The following NKAIN2 variants were observed in gnomAD, a reference collection of about 807,000 sequenced individuals.
The protein encoded by NKAIN2 is sodium/potassium-transporting ATPase subunit beta-1-interacting protein 2.
In NKAIN2, 14 loss-of-function variants were observed where a neutral mutation model predicts 32.6. The ratio of observed to expected loss-of-function variants is 0.43; its 90% CI spans 0.28 to 0.67. NKAIN2 has a LOEUF of 0.67. Ranked by LOEUF, NKAIN2 falls within the 30% of genes least tolerant of loss-of-function variation. The probability of loss-of-function intolerance (pLI) is 0.17; values close to 1 mark genes in which losing one functional copy is unlikely to be tolerated. For missense variants in NKAIN2, 198 were observed against 258.3 expected (o/e 0.77, Z 1.60); for synonymous variants, 80 against 87.2 (o/e 0.92, Z 0.46).
At chr6:124,296,825 A>C (rs1046184415) in intron 2 of NKAIN2, among the ~76,000 whole-genome samples, 1 of 152,218 alleles carries the variant, frequency 6.6e-6, no homozygotes, top group African/African-American at 2.4e-5. Context: ...TAAGACCCAG[A>C]ACCTTTACTG....
At chr6:124,101,201 A>T (rs1784872931) in intron 1 of NKAIN2, among the ~76,000 whole-genome samples, 1 of 152,188 alleles carries the variant, frequency 6.6e-6, no homozygotes, top group Non-Finnish European at 1.5e-5. Flanking sequence ...TAAGATGGAC[A>T]TTAAAGTATG....
intron 1 of NKAIN2, among the ~76,000 whole-genome samples, chr6:123,885,504 A>C (rs111808706): frequency 2.8e-4 from 42 of 152,114 alleles, no homozygotes; most frequent in Non-Finnish European, 5.9e-4. Context: ...AAAAATTTTT[A>C]TATTGGAAAT....
At chr6:124,105,877 A>T (rs1785095335) in intron 1 of NKAIN2, among the ~76,000 whole-genome samples, 1 of 152,188 alleles carries the variant, frequency 6.6e-6, no homozygotes, top group Admixed American at 6.5e-5. Flanking sequence ...GCAAACATTT[A>T]TACCCTTTAG....
rs137905774 is a variant in NKAIN2, at chr6:123,859,783, C to T, written c.54+55529C>T. Among the ~76,000 whole-genome samples, 380 of 152,238 alleles carry T rather than the reference C, an allele frequency of 2.5e-3. 4 individuals carry two copies. Among genetic ancestry groups the T allele is most frequent in the Non-Finnish European group, 4.6e-4 (31 of 68,020 alleles). ...TTGGCTCATTGCAACCTCCACCTCC[C>T]GGGTTCAAGTGATTCCCCTACTTCA... On this transcript the variant is annotated intron_variant, in intron 1 of 6. Transcript: ENST00000368417.
At chr6:124,154,505 T>C (rs1310957618) in intron 1 of NKAIN2, among the ~76,000 whole-genome samples, 1 of 151,992 alleles carries the variant, frequency 6.6e-6, no homozygotes, top group Non-Finnish European at 1.5e-5. Context: ...ACGAAGACTT[T>C]TCTATTTTCC....
At chr6:124,644,561 C>T (rs1022729271) in intron 3 of NKAIN2, among the ~76,000 whole-genome samples, 8 of 152,014 alleles carry the variant, frequency 5.3e-5, no homozygotes, top group Non-Finnish European at 7.4e-5. Context: ...TGTGGCACCA[C>T]GCCCAGCTAA....
At position 123,805,731 on chromosome 6, in the gene NKAIN2, C is replaced by G. The variant is rs2114849716; in HGVS notation, c.54+1477C>G. Among the ~76,000 whole-genome samples, 3 of 152,190 alleles carry G rather than the reference C, an allele frequency of 2.0e-5. No individual in the cohort carries two copies. The Middle Eastern group carries it at 0.01, about 518-fold the overall frequency. On this transcript the variant is annotated intron_variant, in intron 1 of 6. Coordinates refer to ENST00000368417, the MANE Select transcript of NKAIN2 (RefSeq NM_001040214.3). ...AAACAACCCATTAGGCTAAGTCTGC[C>G]AAACTGTATAAAGGTTTTCAAAACA...
intron 3 of NKAIN2, among the ~76,000 whole-genome samples, chr6:124,584,621 C>G (rs900991131): frequency 2.0e-5 from 3 of 149,520 alleles, no homozygotes; most frequent in Non-Finnish European, 4.4e-5. Flanking sequence ...TCATTGCACT[C>G]CAGCCTGGGC....
At chr6:124,317,733 G>A (rs771539809) in intron 2 of NKAIN2, among the ~76,000 whole-genome samples, 5 of 151,976 alleles carry the variant, frequency 3.3e-5, no homozygotes, top group Admixed American at 6.6e-5. Flanking sequence ...GGAAATACTA[G>A]AGCAAAATAT....
chr6:123,836,443 A>C (rs1414081746), intron 1 of NKAIN2, among the ~76,000 whole-genome samples: 1 of 152,066 alleles, frequency 6.6e-6, no homozygotes, highest in African/African-American at 2.4e-5. Flanking sequence ...TTCTTCCCCA[A>C]AATCTATAGC....
At chr6:124,544,235 T>C (rs764252819) in intron 3 of NKAIN2, among the ~76,000 whole-genome samples, 1 of 151,924 alleles carries the variant, frequency 6.6e-6, no homozygotes, top group Non-Finnish European at 1.5e-5. Context: ...CTGTCAGGCT[T>C]GGAGAGCAGG....
chr6:124,646,045 C>T (rs996195028), intron 3 of NKAIN2, among the ~76,000 whole-genome samples: 3 of 152,142 alleles, frequency 2.0e-5, no homozygotes, highest in Non-Finnish European at 4.4e-5. Flanking sequence ...TGTTGTCCAT[C>T]TCCTCCATTA....
chr6:124,562,765 A>G (rs1356176971), intron 3 of NKAIN2, among the ~76,000 whole-genome samples: 3 of 152,180 alleles, frequency 2.0e-5, no homozygotes, highest in Non-Finnish European at 4.4e-5. Flanking sequence ...CTCTGATTTA[A>G]TAGAAGATAG....
intron 1 of NKAIN2, among the ~76,000 whole-genome samples, chr6:124,054,493 C>G (rs1380642495): frequency 6.6e-6 from 1 of 152,006 alleles, no homozygotes; most frequent in African/African-American, 2.4e-5. Flanking sequence ...CAAGAGTATT[C>G]CTGGAATCTT....
At chr6:124,174,224 A>T (rs1789044557) in intron 1 of NKAIN2, among the ~76,000 whole-genome samples, 1 of 152,194 alleles carries the variant, frequency 6.6e-6, no homozygotes, top group Non-Finnish European at 1.5e-5. Flanking sequence ...AGCAGTAGTT[A>T]GAATTCAAAA....
chr6:123,864,947 G>T (rs993236102), intron 1 of NKAIN2, among the ~76,000 whole-genome samples: 7 of 152,038 alleles, frequency 4.6e-5, no homozygotes, highest in Non-Finnish European at 1.0e-4. Flanking sequence ...CTGTGCTTTT[G>T]TTGAGGTTTT....
chr6:124,228,319 G>A (rs1409686105), intron 1 of NKAIN2, among the ~76,000 whole-genome samples: 1 of 152,124 alleles, frequency 6.6e-6, no homozygotes, highest in Non-Finnish European at 1.5e-5. Flanking sequence ...TGCCATATGA[G>A]TATACAACAA....
intron 1 of NKAIN2, among the ~76,000 whole-genome samples, chr6:124,051,150 T>C (rs1416893529): frequency 5.3e-5 from 8 of 152,088 alleles, no homozygotes; most frequent in African/African-American, 1.9e-4. Context: ...GAACAGACAA[T>C]ATTTTAATGA....
chr6:124,125,758 A>G (rs768533324), intron 1 of NKAIN2, among the ~76,000 whole-genome samples: 4 of 152,162 alleles, frequency 2.6e-5, no homozygotes, highest in African/African-American at 4.8e-5. Flanking sequence ...TTAAAGTGTT[A>G]TGCATAATTT....
Sources: gnomAD v4.1 joint callset for allele counts (sites outside exome capture counted in the v4.1 genomes callset) on GRCh38, gnomAD v4.1.1 for gene constraint, MANE v1.5 for transcripts, NCBI Gene and HGNC (gene_info 2026-07-23, HGNC 2026-07-21) for gene names.